Variants in GALNT13 observed in about 807,000 individuals in gnomAD.
GALNT13 encodes the protein UDP-GalNAc:polypeptide N-acetylgalactosaminyltransferase 13.
A neutral mutation model predicts 64.2 loss-of-function variants in GALNT13; 28 were observed. The ratio of observed to expected loss-of-function variants is 0.44; its 90% CI spans 0.32 to 0.60. GALNT13 has a LOEUF of 0.60. GALNT13 is among the 20% of genes least tolerant of loss of function. The pLI is 0.05. For synonymous variants in GALNT13, 214 were observed against 224.6 expected (o/e 0.95, Z 0.42); for missense variants, 577 against 669.8 (o/e 0.86, Z 1.53).
At chr2:153,445,045 T>C in the GALNT13 span, among the ~76,000 whole-genome samples, 1 of 152,234 alleles carries the variant, frequency 6.6e-6, no homozygotes, top group African/African-American at 2.4e-5. Flanking sequence ...CTCAACATTT[T>C]CCATAGCAAT....
chr2:154,300,079 T>A (rs1031811291), intron 8 of GALNT13, among the ~76,000 whole-genome samples: 1 of 144,870 alleles, frequency 6.9e-6, no homozygotes, highest in African/African-American at 2.5e-5. Context: ...AAAAGATAGT[T>A]TTTTTTTCTT....
intron 11 of GALNT13, among the ~76,000 whole-genome samples, chr2:154,421,326 C>G (rs1700240752): frequency 1.3e-5 from 2 of 151,824 alleles, no homozygotes; most frequent in South Asian, 4.2e-4. Flanking sequence ...TTGAAAGTAG[C>G]CCAGTGTAAG....
chr2:153,669,316 G>A, the GALNT13 span, among the ~76,000 whole-genome samples: 4 of 152,110 alleles, frequency 2.6e-5, no homozygotes, highest in Non-Finnish European at 5.9e-5. Flanking sequence ...CCACACCAGT[G>A]CATGCATGTG....
the GALNT13 span, among the ~76,000 whole-genome samples, chr2:153,753,990 A>G: frequency 7.2e-5 from 11 of 152,216 alleles, no homozygotes; most frequent in Non-Finnish European, 1.5e-4. Context: ...CTCATGGCCT[A>G]TGCCACCACA....
At position 154,447,093 on chromosome 2, in the gene GALNT13, G is replaced by C. The variant is rs191611539; in HGVS notation, c.1531-3318G>C. ...CTATAGCCATGTCTATATGACAACAGGTTCTGCGTCATCAGATCTGAAAAA... is the reference window on the plus strand; with the variant it reads ...CTATAGCCATGTCTATATGACAACACGTTCTGCGTCATCAGATCTGAAAAA... On this transcript the variant is annotated intron_variant, in intron 12 of 12. Transcript: ENST00000392825. Among the ~76,000 whole-genome samples, 446 of 151,566 alleles carry C rather than the reference G, an allele frequency of 2.9e-3. 2 individuals are homozygous for C. Among genetic ancestry groups the C allele is most frequent in the African/African-American group, 9.8e-3 (404 of 41,384 alleles).
chr2:153,800,028 C>T, the GALNT13 span, among the ~76,000 whole-genome samples: 3 of 146,326 alleles, frequency 2.1e-5, no homozygotes, highest in African/African-American at 7.7e-5. Context: ...TTCTCTTATG[C>T]TTATTCCATT....
At chr2:153,098,145 T>A in the GALNT13 span, among the ~76,000 whole-genome samples, 3 of 152,184 alleles carry the variant, frequency 2.0e-5, no homozygotes, top group South Asian at 6.2e-4. Flanking sequence ...CTTTAGTTCT[T>A]CAGATAAATA....
chr2:153,123,029 A>G, the GALNT13 span, among the ~76,000 whole-genome samples: 1 of 152,148 alleles, frequency 6.6e-6, no homozygotes, highest in Non-Finnish European at 1.5e-5. Flanking sequence ...CAGAAGACCC[A>G]GGGGAGAATC....
chr2:153,661,012 G>A, the GALNT13 span, among the ~76,000 whole-genome samples: 1 of 152,124 alleles, frequency 6.6e-6, no homozygotes, highest in South Asian at 2.1e-4. Context: ...TAATCTACCA[G>A]GATAGGTATA....
the GALNT13 span, among the ~76,000 whole-genome samples, chr2:153,759,199 T>C: frequency 7.9e-5 from 12 of 152,286 alleles, no homozygotes; most frequent in East Asian, 1.5e-3. Context: ...ACAGTTTTTT[T>C]TGGAGTCTTT....
At chr2:153,687,323 G>C in the GALNT13 span, among the ~76,000 whole-genome samples, 53 of 151,174 alleles carry the variant, frequency 3.5e-4, no homozygotes, top group Middle Eastern at 3.4e-3. Flanking sequence ...TTCAGAGCTC[G>C]TTATTGGTCT....
chr2:153,257,204 G>C, the GALNT13 span, among the ~76,000 whole-genome samples: 1 of 152,194 alleles, frequency 6.6e-6, no homozygotes, highest in Non-Finnish European at 1.5e-5. Context: ...GGGTGGGAGT[G>C]ACCTGATTTT....
chr2:154,439,976 G>T (rs949552008), intron 12 of GALNT13, among the ~76,000 whole-genome samples: 1 of 151,956 alleles, frequency 6.6e-6, no homozygotes, highest in Non-Finnish European at 1.5e-5. Flanking sequence ...TTATTTATTG[G>T]TACCATCCTT....
chr2:154,054,081 T>C (rs1475011309), intron 3 of GALNT13, among the ~76,000 whole-genome samples: 1 of 152,112 alleles, frequency 6.6e-6, no homozygotes, highest in Non-Finnish European at 1.5e-5. Context: ...ACCTTCTGCA[T>C]ATAACAAAAC....
In GALNT13 at chr2:154,145,092, C is replaced by CTATATA. The variant is rs1380676288; in HGVS notation, c.311+4590_311+4591insATATAT. On this transcript the variant is annotated intron_variant, in intron 4 of 12. Transcript: ENST00000392825. Reference sequence around the variant, plus strand: ...TCTCTCTATCTATCTATCTATCTATCTATCTATCTATATATATATATATAT... The same window carrying CTATATA: ...TCTCTCTATCTATCTATCTATCTATCTATATATATCTATCTATATATATATATATAT... 4.1e-3 allele frequency among the ~76,000 whole-genome samples: 524 copies of CTATATA among 127,640 alleles called. 1 individual carries two copies. Among genetic ancestry groups the CTATATA allele is most frequent in the Non-Finnish European group, 6.7e-3 (400 of 59,866 alleles). 83.7% of individuals were successfully genotyped at this position (127,640 alleles called of 152,430 possible). A position where few individuals can be genotyped will look rare whatever the true frequency, so the allele number is the denominator to read the frequency against.
the GALNT13 span, among the ~76,000 whole-genome samples, chr2:153,752,680 TC>T: frequency 6.6e-6 from 1 of 152,160 alleles, no homozygotes; most frequent in Non-Finnish European, 1.5e-5. Context: ...CTTCTCTTTA[TC>T]CTTTATCTTT....
At chr2:154,427,719 G>C (rs1574286871) in intron 11 of GALNT13, among the ~76,000 whole-genome samples, 1 of 152,142 alleles carries the variant, frequency 6.6e-6, no homozygotes, top group African/African-American at 2.4e-5. Context: ...AGATGTGTAA[G>C]AGTAAGTTAA....
the GALNT13 span, among the ~76,000 whole-genome samples, chr2:153,209,254 A>G: frequency 6.6e-6 from 1 of 152,120 alleles, no homozygotes; most frequent in African/African-American, 2.4e-5. Context: ...TGCTGGGATT[A>G]CAGGCGTGAG....
At chr2:154,364,827 T>C (rs551235486) in intron 9 of GALNT13, among the ~76,000 whole-genome samples, 1 of 152,124 alleles carries the variant, frequency 6.6e-6, no homozygotes, top group Non-Finnish European at 1.5e-5. Context: ...CCTGCCACCA[T>C]ACCTGGCTAA....
Sources: gnomAD v4.1 joint callset for allele counts (sites outside exome capture counted in the v4.1 genomes callset) on GRCh38, gnomAD v4.1.1 for gene constraint, MANE v1.5 for transcripts, NCBI Gene and HGNC (gene_info 2026-07-23, HGNC 2026-07-21) for gene names.